The following CDH12 variants were observed in gnomAD, a reference collection of about 807,000 sequenced individuals.
CDH12 encodes cadherin 12.
In CDH12, 41 loss-of-function variants were observed where a neutral mutation model predicts 74.1. The ratio of observed to expected loss-of-function variants is 0.55; its 90% CI spans 0.43 to 0.72. The LOEUF is 0.72. CDH12 is among the 30% of genes least tolerant of loss of function. The pLI, the probability that CDH12 is intolerant of heterozygous loss-of-function variation, is 0.00. For synonymous variants in CDH12, 399 were observed against 355.0 expected (o/e 1.12, Z -1.39); for missense variants, 945 against 977.2 (o/e 0.97, Z 0.44).
intron 1 of CDH12, among the ~76,000 whole-genome samples, chr5:22,601,331 C>T (rs1434930881): frequency 6.6e-6 from 1 of 151,906 alleles, no homozygotes; most frequent in Non-Finnish European, 1.5e-5. Flanking sequence ...CACATGTTCT[C>T]ACTTACAAGT....
intron 5 of CDH12, among the ~76,000 whole-genome samples, chr5:21,978,533 T>C (rs1757165739): frequency 6.6e-6 from 1 of 152,190 alleles, no homozygotes; most frequent in Admixed American, 6.5e-5. Context: ...ACATTTATAT[T>C]GATGTATATT....
intron 3 of CDH12, among the ~76,000 whole-genome samples, chr5:22,330,643 C>T (rs1203902661): frequency 2.0e-5 from 3 of 147,824 alleles, no homozygotes; most frequent in African/African-American, 5.0e-5. Flanking sequence ...CCCAGCTACT[C>T]GGGAGGCTGA....
intron 3 of CDH12, among the ~76,000 whole-genome samples, chr5:22,283,450 G>T (rs1410689520): frequency 6.6e-6 from 1 of 151,304 alleles, no homozygotes; most frequent in Non-Finnish European, 1.5e-5. Context: ...AACAAATGAG[G>T]AAATATATTC....
At chr5:22,260,749 T>C (rs1331835601) in intron 3 of CDH12, among the ~76,000 whole-genome samples, 1 of 152,034 alleles carries the variant, frequency 6.6e-6, no homozygotes, top group Non-Finnish European at 1.5e-5. Context: ...ATTAGATCAG[T>C]GCCTTAACGC....
chr5:22,135,576 T>C (rs914114192), intron 4 of CDH12, among the ~76,000 whole-genome samples: 2 of 152,092 alleles, frequency 1.3e-5, no homozygotes, highest in Admixed American at 6.6e-5. Context: ...TAACATTTAA[T>C]TTAGAAATAA....
At chr5:21,801,212 T>C (rs2149921578) in intron 10 of CDH12, among the ~76,000 whole-genome samples, 1 of 152,334 alleles carries the variant, frequency 6.6e-6, no homozygotes, top group African/African-American at 2.4e-5. Context: ...TGATCCATTG[T>C]TTTAATCTTT....
intron 3 of CDH12, among the ~76,000 whole-genome samples, chr5:22,342,871 T>C (rs1207920484): frequency 2.6e-5 from 4 of 151,382 alleles, no homozygotes; most frequent in African/African-American, 9.7e-5. Flanking sequence ...TCTGTCTTGA[T>C]GGAGTCTCAC....
At chr5:22,841,290 T>C (rs1208580872) in intron 1 of CDH12, among the ~76,000 whole-genome samples, 1 of 151,834 alleles carries the variant, frequency 6.6e-6, no homozygotes, top group African/African-American at 2.4e-5. Flanking sequence ...GCAATGTGAG[T>C]GAAATAGAGG....
chr5:22,007,027 A>C (rs1737005741), intron 5 of CDH12, among the ~76,000 whole-genome samples: 1 of 152,114 alleles, frequency 6.6e-6, no homozygotes, highest in African/African-American at 2.4e-5. Context: ...AAAATTATTT[A>C]TTTACACTTT....
intron 4 of CDH12, among the ~76,000 whole-genome samples, chr5:22,090,789 T>C (rs1186836119): frequency 6.6e-6 from 1 of 152,022 alleles, no homozygotes; most frequent in African/African-American, 2.4e-5. Context: ...AAATATTTAA[T>C]GTAATACCCA....
chr5:22,585,243 G>A lies in CDH12; in HGVS notation c.-522-79879C>T, dbSNP rs187051500. Reference sequence around the variant, plus strand: ...ATTTAATTCCACTATGTCTTCCATTGTTGCTGCTGGGGTGTAAAAGATCAG... The same window carrying A: ...ATTTAATTCCACTATGTCTTCCATTATTGCTGCTGGGGTGTAAAAGATCAG... On this transcript the variant is annotated intron_variant, in intron 1 of 14. Transcript: ENST00000382254. Among the ~76,000 whole-genome samples, 26 of 152,184 alleles carry A rather than the reference G, an allele frequency of 1.7e-4. No homozygotes were observed. The East Asian group carries it at 3.9e-3, about 23-fold the overall frequency.
intron 3 of CDH12, among the ~76,000 whole-genome samples, chr5:22,368,315 T>C (rs1298055715): frequency 5.9e-5 from 9 of 152,082 alleles, no homozygotes; most frequent in Non-Finnish European, 1.0e-4. Context: ...GTTATTGTTT[T>C]TAAAACAGGG....
intron 6 of CDH12, among the ~76,000 whole-genome samples, chr5:21,880,615 C>CCTTCCTT (rs1561268384): frequency 1.2e-5 from 1 of 84,658 alleles, no homozygotes; most frequent in African/African-American, 4.7e-5. Flanking sequence ...TTCCTTCCTT[C>CCTTCCTT]CTTCTTTCTT....
intron 3 of CDH12, among the ~76,000 whole-genome samples, chr5:22,230,370 G>T (rs1230407778): frequency 6.6e-6 from 1 of 151,778 alleles, no homozygotes; most frequent in African/African-American, 2.4e-5. Flanking sequence ...TGGGTAGATT[G>T]CCCTGTTCAT....
intron 4 of CDH12, among the ~76,000 whole-genome samples, chr5:22,084,969 T>G (rs2150231756): frequency 6.6e-6 from 1 of 152,248 alleles, no homozygotes; most frequent in Non-Finnish European, 1.5e-5. Flanking sequence ...CCTATGGAAA[T>G]ATGTGAACCT....
In CDH12 at chr5:22,048,530, T is replaced by C. The variant is rs985047228; in HGVS notation, c.231+29916A>G. Among the ~76,000 whole-genome samples the C allele has an allele frequency of 1.2e-4, 19 of 152,142 alleles. 1 individual carries two copies. The highest frequency in any genetic ancestry group is 6.6e-5 in the Admixed American group (1 of 15,266). On this transcript the variant is annotated intron_variant, in intron 5 of 14. Transcript: ENST00000382254. ...ATCTTTTTAGTTTAAAATCTAGTCATATTGAATGGCGGGGAAAGGTAAAAT... is the reference window on the plus strand; with the variant it reads ...ATCTTTTTAGTTTAAAATCTAGTCACATTGAATGGCGGGGAAAGGTAAAAT...
intron 5 of CDH12, among the ~76,000 whole-genome samples, chr5:22,063,294 G>A (rs900425946): frequency 8.5e-5 from 13 of 152,142 alleles, no homozygotes; most frequent in African/African-American, 2.9e-4. Context: ...AAAAGCATAT[G>A]TTCTTATTGG....
intron 3 of CDH12, chr5:22,212,846 G>T (rs1407321584): frequency 6.5e-6 from 1 of 152,860 alleles, no homozygotes; most frequent in Non-Finnish European, 1.5e-5. Context: ...AACACACGCC[G>T]AGGGTTGGTG....
chr5:21,890,344 G>A (rs552496924), intron 6 of CDH12, among the ~76,000 whole-genome samples: 48 of 152,148 alleles, frequency 3.2e-4, no homozygotes, highest in Middle Eastern at 6.8e-3. Flanking sequence ...TGGTAAAAAT[G>A]TCTAGAGTCA....
Sources: allele counts gnomAD v4.1 joint callset (sites outside exome capture counted in the v4.1 genomes callset), GRCh38; gene constraint gnomAD v4.1.1; transcripts MANE v1.5; gene names NCBI Gene and HGNC (gene_info 2026-07-23, HGNC 2026-07-21).